Variants in RIMS1 observed in about 807,000 individuals in gnomAD.
The protein encoded by RIMS1 is regulating synaptic membrane exocytosis 1.
Under a neutral mutation model 214.1 loss-of-function variants are expected in RIMS1, and 83 were observed. That is an observed-to-expected ratio of 0.39 (90% confidence interval 0.32 to 0.47). RIMS1 has a LOEUF of 0.47. RIMS1 is among the 20% of genes least tolerant of loss of function. The pLI is 0.99. For synonymous variants in RIMS1, 793 were observed against 786.8 expected (o/e 1.01, Z -0.13); for missense variants, 2,050 against 2,161.8 (o/e 0.95, Z 1.03).
intron 6 of RIMS1, among the ~76,000 whole-genome samples, chr6:72,199,004 C>A (rs2051464863): frequency 6.6e-6 from 1 of 151,788 alleles, no homozygotes; most frequent in South Asian, 2.1e-4. Context: ...AGAACTAACC[C>A]AGAAATTCAA....
At chr6:72,282,401 C>T (rs2090560482) in intron 23 of RIMS1, among the ~76,000 whole-genome samples, 2 of 152,002 alleles carry the variant, frequency 1.3e-5, no homozygotes. Flanking sequence ...CCCCTACCAC[C>T]CATGATCCCC....
intron 8 of RIMS1, 92 bp downstream of exon 8, chr6:72,235,820 T>C (rs149849140): frequency 2.0e-4 from 106 of 536,014 alleles, no homozygotes; most frequent in African/African-American, 1.8e-3. Context: ...TTAAATGTCA[T>C]TTAAATATTT....
intron 1 of RIMS1, among the ~76,000 whole-genome samples, chr6:71,965,720 A>T (rs887068586): frequency 6.6e-6 from 1 of 152,168 alleles, no homozygotes; most frequent in African/African-American, 2.4e-5. Flanking sequence ...CAGTTAGAAG[A>T]CTGTCGAAGA....
intron 2 of RIMS1, among the ~76,000 whole-genome samples, chr6:72,025,149 C>T (rs1816031031): frequency 6.6e-6 from 1 of 152,098 alleles, no homozygotes; most frequent in Non-Finnish European, 1.5e-5. Context: ...AGTGATCTGC[C>T]CGTCTTGCTC....
Position 72,400,801 on chromosome 6 carries a change from G to A in RIMS1, c.*87G>A. The A allele has an allele frequency of 9.2e-7, 1 of 1,082,862 alleles. No individual in the cohort carries two copies. The highest frequency in any genetic ancestry group is 1.6e-5 in the South Asian group (1 of 62,572). 67.1% of individuals were successfully genotyped at this position (1,082,862 alleles called of 1,614,324 possible). A position where few individuals can be genotyped will look rare whatever the true frequency, so the allele number is the denominator to read the frequency against. On this transcript the variant is annotated 3_prime_UTR_variant, in exon 34 of 34. Coordinates refer to ENST00000521978, the MANE Select transcript of RIMS1 (RefSeq NM_014989.7). ...ATATTTCATGATCGAAAGCATTGTTGGAGACAGACAATCAACTTGTGTTTT... is the reference window on the plus strand; with the variant it reads ...ATATTTCATGATCGAAAGCATTGTTAGAGACAGACAATCAACTTGTGTTTT...
chr6:72,236,930 G>GCT, intron 8 of RIMS1, among the ~76,000 whole-genome samples: 1 of 152,256 alleles, frequency 6.6e-6, no homozygotes, highest in East Asian at 1.9e-4. Context: ...TGGGTGCAGT[G>GCT]GCTCATGCCT....
At chr6:72,377,566 A>G (rs1302463012) in intron 29 of RIMS1, among the ~76,000 whole-genome samples, 1 of 152,154 alleles carries the variant, frequency 6.6e-6, no homozygotes, top group East Asian at 1.9e-4. Context: ...GAAAGCAAGA[A>G]CAGAGTAGGG....
intron 1 of RIMS1, among the ~76,000 whole-genome samples, chr6:71,911,343 A>T (rs1776857712): frequency 6.6e-6 from 1 of 152,164 alleles, no homozygotes; most frequent in South Asian, 2.1e-4. Flanking sequence ...CTTTAGGCTG[A>T]TTTAGGGTAA....
chr6:72,123,681 G>A (rs2038900569), intron 4 of RIMS1, among the ~76,000 whole-genome samples: 1 of 151,796 alleles, frequency 6.6e-6, no homozygotes, highest in African/African-American at 2.4e-5. Flanking sequence ...ATATATTTAG[G>A]ATAGTTAGCT....
Position 72,258,406 on chromosome 6 carries a change from G to T in RIMS1, c.2927+125G>T, listed in dbSNP as rs1046296893. 27 of 1,074,014 alleles carry T rather than the reference G, an allele frequency of 2.5e-5. No homozygotes were observed. The Admixed American group carries it at 7.9e-4, about 31-fold the overall frequency. 66.5% of individuals were successfully genotyped at this position (1,074,014 alleles called of 1,614,324 possible). A position where few individuals can be genotyped will look rare whatever the true frequency, so the allele number is the denominator to read the frequency against. ...CAAATTATTTTTTTCAGAATTAATT[G>T]TAGGCAAAATTTTTTTTATTCTTTA... is the stretch of plus-strand genomic sequence containing the variant. On this transcript the variant is annotated intron_variant, in intron 17 of 33. Transcript: ENST00000521978.
At chr6:72,388,655 C>G (rs375739202) in intron 29 of RIMS1, among the ~76,000 whole-genome samples, 1 of 152,084 alleles carries the variant, frequency 6.6e-6, no homozygotes, top group Non-Finnish European at 1.5e-5. Context: ...AGGGTTGGAG[C>G]TGTGGAGAGG....
At chr6:72,312,396 G>A (rs868029580) in intron 27 of RIMS1, among the ~76,000 whole-genome samples, 1 of 151,934 alleles carries the variant, frequency 6.6e-6, no homozygotes, top group South Asian at 2.1e-4. Flanking sequence ...TTATAGTTAT[G>A]TAACCTATTT....
intron 2 of RIMS1, among the ~76,000 whole-genome samples, chr6:71,991,216 A>T (rs1465921675): frequency 6.6e-6 from 1 of 152,108 alleles, no homozygotes; most frequent in East Asian, 1.9e-4. Flanking sequence ...TGCAGACTTT[A>T]TTTTTGAAAT....
At chr6:71,974,060 C>T (rs570905022) in intron 2 of RIMS1, among the ~76,000 whole-genome samples, 1 of 152,102 alleles carries the variant, frequency 6.6e-6, no homozygotes, top group East Asian at 1.9e-4. Context: ...ACTAGCTGTC[C>T]CATGGGAAGT....
intron 1 of RIMS1, among the ~76,000 whole-genome samples, chr6:71,965,505 A>G (rs912388636): frequency 6.6e-6 from 1 of 152,206 alleles, no homozygotes; most frequent in Admixed American, 6.5e-5. Flanking sequence ...TGGCAATGTT[A>G]GTTTCTCCCG....
chr6:72,107,140 A>G lies in RIMS1; in HGVS notation c.471+7154A>G, dbSNP rs150248742. On this transcript the variant is annotated intron_variant, in intron 4 of 33. Coordinates refer to ENST00000521978, the MANE Select transcript of RIMS1 (RefSeq NM_014989.7). ...TCTGCATCATTTACACTTCATCATTATCACAGATTCCATTTTAATGTGTGA... is the reference window on the plus strand; with the variant it reads ...TCTGCATCATTTACACTTCATCATTGTCACAGATTCCATTTTAATGTGTGA... 2.3e-4 allele frequency among the ~76,000 whole-genome samples: 35 copies of G among 152,310 alleles called. 1 individual carries two copies. In the East Asian group the frequency reaches 6.7e-3, roughly 29 times the overall value.
intron 31 of RIMS1, among the ~76,000 whole-genome samples, chr6:72,394,716 C>A: frequency 6.7e-6 from 1 of 149,320 alleles, no homozygotes; most frequent in East Asian, 1.9e-4. Context: ...AAAAAGAAAT[C>A]TTTAAGAAAC....
chr6:72,218,684 G>A (rs2496541), intron 6 of RIMS1, among the ~76,000 whole-genome samples: 149,633 of 152,272 alleles, frequency 0.98, 73,569 homozygotes, highest in East Asian at 1. Flanking sequence ...CTTCTTAATA[G>A]TAGACACCCA....
intron 4 of RIMS1, among the ~76,000 whole-genome samples, chr6:72,100,660 T>C (rs1046597853): frequency 3.8e-5 from 2 of 52,118 alleles, no homozygotes; most frequent in African/African-American, 8.4e-5. Flanking sequence ...GTAAATTTTA[T>C]ACATACTATA....
Sources: gnomAD v4.1 joint callset for allele counts (sites outside exome capture counted in the v4.1 genomes callset) on GRCh38, gnomAD v4.1.1 for gene constraint, MANE v1.5 for transcripts, NCBI Gene and HGNC (gene_info 2026-07-23, HGNC 2026-07-21) for gene names.